The following MTFR1 variants were observed in gnomAD, a reference collection of about 807,000 sequenced individuals.
MTFR1 encodes mitochondrial fission regulator 1.
A neutral mutation model predicts 38.8 loss-of-function variants in MTFR1; 28 were observed. The ratio of observed to expected loss-of-function variants is 0.72; its 90% confidence interval spans 0.53 to 0.99. The LOEUF (loss-of-function observed/expected upper bound fraction) is 0.99, where lower values mean the gene tolerates loss of function less well. Ranked by LOEUF, MTFR1 falls within the 50% of genes least tolerant of loss-of-function variation. The pLI, the probability that MTFR1 is intolerant of heterozygous loss-of-function variation, is 0.00. For synonymous variants in MTFR1, 145 were observed against 137.0 expected, an observed-to-expected ratio of 1.06 and a Z score of -0.41; for missense variants, 358 against 395.5, an observed-to-expected ratio of 0.91 and a Z score of 0.81.
downstream of MTFR1, among the ~76,000 whole-genome samples, chr8:65,773,395 T>C (rs1042170152): frequency 6.6e-6 from 1 of 152,164 alleles, no homozygotes; most frequent in Admixed American, 6.5e-5. Flanking sequence ...ACTTACACAT[T>C]TGTCACCTTT....
chr8:65,757,938 A>G (rs1285232277), intron 3 of MTFR1, among the ~76,000 whole-genome samples: 9 of 152,156 alleles, frequency 5.9e-5, no homozygotes, highest in Non-Finnish European at 2.9e-5. Context: ...TTTTAATGTA[A>G]TATTTGATTT....
At chr8:65,720,663 T>A (rs1181118464) in intron 3 of MTFR1, 1 of 152,322 alleles carries the variant, frequency 6.6e-6, no homozygotes, top group Non-Finnish European at 1.5e-5. Flanking sequence ...ACCTACTATG[T>A]CCCCGGCACT....
chr8:65,770,026 A>G (rs1229622743), intron 3 of MTFR1, among the ~76,000 whole-genome samples: 1 of 152,198 alleles, frequency 6.6e-6, no homozygotes, highest in Admixed American at 6.5e-5. Flanking sequence ...TAATTTCAAA[A>G]CACATACAAA....
rs1807361874 is a variant in MTFR1 at position 65,740,398 on chromosome 8, G to C, written c.*48+20917G>C. 2.6e-5 allele frequency among the ~76,000 whole-genome samples: 4 copies of C among 151,990 alleles called. No homozygotes were observed. In the South Asian group the frequency reaches 8.3e-4, roughly 32 times the overall value. ...TCACAGAAATAATACAAGCCCTCAA[G>C]TTTCCTTTTCTTTCTTTTTTGAGAT... On this transcript the variant is annotated intron_variant, in intron 3 of 3. Transcript: ENST00000521247.
At chr8:65,745,482 A>G in intron 3 of MTFR1, 3 of 1,455,458 alleles carry the variant, frequency 2.1e-6, no homozygotes, top group Non-Finnish European at 1.9e-6. Context: ...TGAAATGAAA[A>G]CCAAACATTT....
At chr8:65,687,503 G>A (rs775218754) in intron 3 of MTFR1, among the ~76,000 whole-genome samples, 3 of 151,752 alleles carry the variant, frequency 2.0e-5, no homozygotes, top group Non-Finnish European at 2.9e-5. Flanking sequence ...TCGCCACCAC[G>A]CCCGGCTAAT....
At chr8:65,695,142 T>C (rs1193995521) in intron 4 of MTFR1, among the ~76,000 whole-genome samples, 1 of 151,974 alleles carries the variant, frequency 6.6e-6, no homozygotes, top group South Asian at 2.1e-4. Flanking sequence ...GACCAAGAAA[T>C]AGACCAACTA....
At chr8:65,723,280 C>T (rs757989629) in intron 3 of MTFR1, 4 of 217,552 alleles carry the variant, frequency 1.8e-5, no homozygotes, top group Non-Finnish European at 3.5e-5. Context: ...TCCACATGAG[C>T]GAATAATGGA....
At chr8:65,743,132 G>C (rs1278489104) in intron 3 of MTFR1, among the ~76,000 whole-genome samples, 2 of 152,040 alleles carry the variant, frequency 1.3e-5, no homozygotes, top group Admixed American at 1.3e-4. Flanking sequence ...AGCTGTGAGA[G>C]TTTATGTAAG....
At chr8:65,751,769 G>A (rs1195170775) in intron 3 of MTFR1, among the ~76,000 whole-genome samples, 1 of 152,146 alleles carries the variant, frequency 6.6e-6, no homozygotes, top group Non-Finnish European at 1.5e-5. Context: ...TGGGATTACA[G>A]GCGTGAGCCA....
chr8:65,705,049 G>C, intron 5 of MTFR1, 120 bp downstream of exon 5: 1 of 880,996 alleles, frequency 1.1e-6, no homozygotes, highest in Non-Finnish European at 1.7e-6. Context: ...GTGTCATCCA[G>C]GTACGGTGGC....
chr8:65,660,504 CAA>C (rs1159755820), intron 1 of MTFR1, among the ~76,000 whole-genome samples: 2 of 152,134 alleles, frequency 1.3e-5, no homozygotes, highest in African/African-American at 2.4e-5. Flanking sequence ...AAATAAAAGA[CAA>C]AGAGAGAGCA....
chr8:65,667,111 C>G (rs542695063), intron 1 of MTFR1, among the ~76,000 whole-genome samples: 1 of 152,196 alleles, frequency 6.6e-6, no homozygotes, highest in African/African-American at 2.4e-5. Flanking sequence ...AACCCTGTCT[C>G]TACTAAAATA....
At chr8:65,771,895 AAAAAAAAAAAAAG>A (rs1809103794), downstream of MTFR1, among the ~76,000 whole-genome samples, 1 of 150,978 alleles carries the variant, frequency 6.6e-6, no homozygotes, top group South Asian at 2.1e-4. Flanking sequence ...AAAAAAAAAA[AAAAAAAAAAAAAG>A]AAGAAGAAGA....
intron 2 of MTFR1, among the ~76,000 whole-genome samples, chr8:65,675,033 G>GT (rs1348688254): frequency 2.0e-5 from 3 of 152,186 alleles, no homozygotes; most frequent in South Asian, 2.1e-4. Context: ...GCTCACACCT[G>GT]TAATTCCAGC....
chr8:65,656,588 G>T (rs1190970869), intron 1 of MTFR1, among the ~76,000 whole-genome samples: 2 of 144,442 alleles, frequency 1.4e-5, no homozygotes, highest in African/African-American at 2.6e-5. Flanking sequence ...TGCAACCCCC[G>T]CCTACCAGAT....
chr8:65,768,665 A>T (rs754953363), intron 3 of MTFR1, among the ~76,000 whole-genome samples: 5 of 152,252 alleles, frequency 3.3e-5, no homozygotes, highest in Non-Finnish European at 7.3e-5. Context: ...ATCACAAAAT[A>T]GAACATTTCC....
intron 3 of MTFR1, among the ~76,000 whole-genome samples, chr8:65,747,365 T>G (rs1257395609): frequency 6.6e-6 from 1 of 152,206 alleles, no homozygotes; most frequent in Non-Finnish European, 1.5e-5. Flanking sequence ...AGCATTACAA[T>G]TCTGTGAGAT....
At chr8:65,682,566 T>C in intron 3 of MTFR1, 115 bp downstream of exon 3, 1 of 604,212 alleles carries the variant, frequency 1.7e-6, no homozygotes, top group East Asian at 4.6e-5. Flanking sequence ...TTGATGCCAC[T>C]ATCAATACAA....
Sources: allele counts gnomAD v4.1 joint callset (sites outside exome capture counted in the v4.1 genomes callset), GRCh38; gene constraint gnomAD v4.1.1; transcripts MANE v1.5; gene names NCBI Gene and HGNC (gene_info 2026-07-23, HGNC 2026-07-21).